Variants in XKR9 observed in about 807,000 individuals in gnomAD.
The protein encoded by XKR9 is XK-related protein 9.
Under a neutral mutation model 32.0 loss-of-function variants are expected in XKR9, and 32 were observed. The observed-to-expected ratio is 1.00, with a 90% CI of 0.76 to 1.34. The LOEUF is 1.34. Among genes scored for constraint, XKR9 ranks in the 40% most tolerant of loss-of-function variants. XKR9 has a pLI of 0.00. For missense variants in XKR9, 546 were observed against 429.7 expected, an observed-to-expected ratio of 1.27 and a Z score of -2.39; for synonymous variants, 168 against 143.4, an observed-to-expected ratio of 1.17 and a Z score of -1.22.
chr8:70,821,785 C>A, the XKR9 span, among the ~76,000 whole-genome samples: 3 of 152,350 alleles, frequency 2.0e-5, no homozygotes, highest in Admixed American at 6.5e-5. Flanking sequence ...CTCGAGACTG[C>A]CCAAAACAGC....
the XKR9 span, among the ~76,000 whole-genome samples, chr8:70,924,688 G>GCAACC: frequency 1.3e-5 from 2 of 152,152 alleles, no homozygotes; most frequent in South Asian, 4.1e-4. Flanking sequence ...CTCCATTGAG[G>GCAACC]CAACCTCAAG....
the XKR9 span, among the ~76,000 whole-genome samples, chr8:70,859,907 AT>A: frequency 3.9e-5 from 6 of 152,096 alleles, no homozygotes; most frequent in African/African-American, 1.2e-4. Flanking sequence ...GAAGGAATAA[AT>A]TCCAATGTTC....
chr8:70,790,052 T>G (rs1807745817), intron 3 of XKR9: 1 of 150,276 alleles, frequency 6.7e-6, no homozygotes, highest in South Asian at 2.1e-4. Context: ...TTGTTTCTTT[T>G]TTTTTTTTTT....
chr8:70,698,626 AGGTGT>A lies in XKR9; in HGVS notation c.273-8297_273-8293del, dbSNP rs1291599169. ...CCAAGTATGTGGTCAATTTTGGAAT[AGGTGT>A]GGTGTGGTGCTGAAAAAAATGTATA... On this transcript the variant is annotated intron_variant, in intron 3 of 4. Transcript: ENST00000408926. Among the ~76,000 whole-genome samples the A allele has an allele frequency of 7.4e-3, 1,133 of 152,158 alleles. 12 individuals are homozygous for A. The highest frequency in any genetic ancestry group is 0.026 in the African/African-American group (1,069 of 41,494).
chr8:70,750,717 A>T (rs1181296336), intron 2 of XKR9, among the ~76,000 whole-genome samples: 2 of 152,218 alleles, frequency 1.3e-5, no homozygotes, highest in African/African-American at 4.8e-5. Context: ...TAAAACCATT[A>T]AACTTTTCTA....
At chr8:70,886,657 T>G in the XKR9 span, among the ~76,000 whole-genome samples, 1 of 151,776 alleles carries the variant, frequency 6.6e-6, no homozygotes, top group Non-Finnish European at 1.5e-5. Context: ...TAAGCTTTTT[T>G]TTTCATATGT....
intron 2 of XKR9, among the ~76,000 whole-genome samples, chr8:70,748,212 G>A (rs989605152): frequency 6.6e-6 from 1 of 152,232 alleles, no homozygotes; most frequent in Non-Finnish European, 1.5e-5. Context: ...TGCAGAGCCA[G>A]CAGGAGCAGG....
intron 2 of XKR9, among the ~76,000 whole-genome samples, chr8:70,761,429 T>C (rs1807307542): frequency 6.6e-6 from 1 of 152,196 alleles, no homozygotes; most frequent in East Asian, 1.9e-4. Context: ...TGTATCATTG[T>C]GATTTCAATT....
At chr8:70,922,284 G>A in the XKR9 span, among the ~76,000 whole-genome samples, 1 of 152,164 alleles carries the variant, frequency 6.6e-6, no homozygotes, top group Admixed American at 6.5e-5. Flanking sequence ...AGCTGATGGG[G>A]TAAACATTTA....
chr8:70,961,033 G>A, the XKR9 span, among the ~76,000 whole-genome samples: 14 of 152,070 alleles, frequency 9.2e-5, no homozygotes, highest in East Asian at 1.9e-4. Context: ...AGCCGGGTAC[G>A]ACAGTGCATG....
At chr8:70,797,211 G>GCA in the XKR9 span, among the ~76,000 whole-genome samples, 1 of 152,062 alleles carries the variant, frequency 6.6e-6, no homozygotes, top group African/African-American at 2.4e-5. Flanking sequence ...AGGGGTGTGC[G>GCA]CACACACACA....
the XKR9 span, among the ~76,000 whole-genome samples, chr8:70,946,093 C>T: frequency 6.6e-6 from 1 of 152,236 alleles, no homozygotes; most frequent in East Asian, 1.9e-4. Flanking sequence ...CGAGATCACG[C>T]CACTGCACTC....
chr8:71,053,421 CAGATAAAAA>C, the XKR9 span, among the ~76,000 whole-genome samples: 1 of 152,170 alleles, frequency 6.6e-6, no homozygotes, highest in South Asian at 2.1e-4. Context: ...CAAAGTGAAA[CAGATAAAAA>C]AGAATTGTGG....
chr8:70,817,522 A>G, the XKR9 span, among the ~76,000 whole-genome samples: 1 of 152,190 alleles, frequency 6.6e-6, no homozygotes. Flanking sequence ...GGATCAGAAG[A>G]ATCAATATCA....
intron 4 of XKR9, among the ~76,000 whole-genome samples, chr8:70,725,911 C>T (rs1806451630): frequency 6.6e-6 from 1 of 151,842 alleles, no homozygotes; most frequent in African/African-American, 2.4e-5. Flanking sequence ...ATCTCAACAA[C>T]AACAAAACAA....
chr8:71,036,539 G>A, the XKR9 span, among the ~76,000 whole-genome samples: 3 of 152,030 alleles, frequency 2.0e-5, no homozygotes, highest in African/African-American at 7.3e-5. Context: ...AAAGAACAGG[G>A]GATAATTTCC....
chr8:70,835,303 C>G, the XKR9 span, among the ~76,000 whole-genome samples: 2 of 152,040 alleles, frequency 1.3e-5, no homozygotes, highest in Non-Finnish European at 2.9e-5. Context: ...AAATAAAGCT[C>G]CTTCCACTAA....
intron 3 of XKR9, among the ~76,000 whole-genome samples, chr8:70,789,887 A>G (rs1807741325): frequency 6.6e-6 from 1 of 152,026 alleles, no homozygotes; most frequent in African/African-American, 2.4e-5. Flanking sequence ...AATGCCAATC[A>G]TACTCCATTA....
intron 4 of XKR9, among the ~76,000 whole-genome samples, chr8:70,727,386 G>C (rs1806508412): frequency 2.0e-5 from 3 of 149,590 alleles, no homozygotes; most frequent in Admixed American, 6.7e-5. Flanking sequence ...GTCTCCCCCA[G>C]CATTTGGGGA....
Sources: allele counts gnomAD v4.1 joint callset (sites outside exome capture counted in the v4.1 genomes callset), GRCh38; gene constraint gnomAD v4.1.1; transcripts MANE v1.5; gene names NCBI Gene and HGNC (gene_info 2026-07-23, HGNC 2026-07-21).